Variants in ZPBP observed in about 807,000 individuals in gnomAD.
ZPBP encodes zona pellucida binding protein, also known as zona pellucida-binding protein 1.
A neutral mutation model predicts 44.8 loss-of-function variants in ZPBP; 26 were observed. The ratio of observed to expected loss-of-function variants is 0.58; its 90% CI spans 0.43 to 0.81. The LOEUF (loss-of-function observed/expected upper bound fraction) is 0.81, where lower values mean the gene tolerates loss of function less well. ZPBP is among the 30% of genes least tolerant of loss of function. The pLI is 0.00. For missense variants in ZPBP, 409 were observed against 434.0 expected (o/e 0.94, Z 0.51); for synonymous variants, 174 against 153.2 (o/e 1.14, Z -1.00).
intron 2 of ZPBP, among the ~76,000 whole-genome samples, chr7:49,889,617 CACA>C: frequency 6.6e-6 from 1 of 152,276 alleles, no homozygotes; most frequent in African/African-American, 2.4e-5. Context: ...TCTGGGGACA[CACA>C]ATGGCCATCC....
chr7:50,069,536 AC>A (rs1282579608), intron 3 of ZPBP, among the ~76,000 whole-genome samples: 1 of 152,166 alleles, frequency 6.6e-6, no homozygotes, highest in African/African-American at 2.4e-5. Context: ...AAAACACACG[AC>A]CAATTTCTCT....
intron 7 of ZPBP, chr7:49,943,353 A>G (rs943645889): frequency 3.1e-5 from 10 of 327,332 alleles, no homozygotes; most frequent in Admixed American, 2.8e-4. Flanking sequence ...AAACCTGAAC[A>G]GTCAATGAAG....
At chr7:49,964,773 A>T (rs1262420772) in intron 7 of ZPBP, among the ~76,000 whole-genome samples, 3 of 152,144 alleles carry the variant, frequency 2.0e-5, no homozygotes, top group Non-Finnish European at 4.4e-5. Flanking sequence ...CATTCTTACA[A>T]TGTGACTTAA....
chr7:49,985,624 C>T (rs1013458938), intron 6 of ZPBP, among the ~76,000 whole-genome samples: 4 of 136,342 alleles, frequency 2.9e-5, no homozygotes, highest in Admixed American at 2.4e-4. Context: ...CCTAATTAGG[C>T]TTCCTAATAC....
chr7:49,941,954 C>G (rs1019837027), intron 7 of ZPBP, among the ~76,000 whole-genome samples: 1 of 152,038 alleles, frequency 6.6e-6, no homozygotes, highest in Admixed American at 6.6e-5. Context: ...AGTAATAAAT[C>G]CTTGCATACA....
Position 49,975,831 on chromosome 7 carries a change from C to T in ZPBP, c.961+7511G>A, listed in dbSNP as rs10234868. 8.2e-3 allele frequency among the ~76,000 whole-genome samples: 1,252 copies of T among 152,248 alleles called. 6 individuals carry two copies. Among genetic ancestry groups the T allele is most frequent in the Non-Finnish European group, 0.012 (784 of 68,016 alleles). Reference sequence around the variant, plus strand: ...AGGAGAAGAGGCAGTAGAGATGGGACTCTGAGCCATGCATACTGAATTTAA... The same window carrying T: ...AGGAGAAGAGGCAGTAGAGATGGGATTCTGAGCCATGCATACTGAATTTAA... On this transcript the variant is annotated intron_variant, in intron 7 of 7. Coordinates refer to ENST00000046087, the MANE Select transcript of ZPBP (RefSeq NM_007009.3).
At chr7:49,874,045 A>G (rs539158564) in intron 2 of ZPBP, among the ~76,000 whole-genome samples, 3 of 152,108 alleles carry the variant, frequency 2.0e-5, no homozygotes, top group East Asian at 3.9e-4. Context: ...ACTATAGCAT[A>G]CATGGCATAT....
chr7:50,081,528 T>A (rs1182455465), intron 3 of ZPBP, among the ~76,000 whole-genome samples: 1 of 151,800 alleles, frequency 6.6e-6, no homozygotes. Context: ...AAAAAGTAAC[T>A]TTGGGGGATT....
At chr7:50,092,993 A>C in intron 1 of ZPBP, 75 bp downstream of exon 1, 1 of 1,545,554 alleles carries the variant, frequency 6.5e-7, no homozygotes, top group African/African-American at 1.4e-5. Context: ...CACGTGACAC[A>C]AGAAAAGGCA....
intron 4 of ZPBP, among the ~76,000 whole-genome samples, chr7:50,031,578 G>A (rs946501563): frequency 1.3e-5 from 2 of 151,976 alleles, no homozygotes; most frequent in Non-Finnish European, 2.9e-5. Flanking sequence ...AGGGCGGCAG[G>A]GATTATGTCA....
At position 49,906,910 on chromosome 7, in the gene ZPBP, T is replaced by C. The variant is rs147158847; in HGVS notation, n.412-5695A>G. The stretch of plus-strand genomic sequence containing the variant: ...TCAATTCCAGCAATTTTTATATCTC[T>C]TTCTTGCCTGAAGCAGATGATAAAA... On this transcript the variant is annotated intron_variant and non_coding_transcript_variant, in intron 1 of 2. Transcript: ENST00000465922. 3.3e-3 allele frequency among the ~76,000 whole-genome samples: 507 copies of C among 152,336 alleles called. 1 individual carries two copies. The highest frequency in any genetic ancestry group is 0.011 in the African/African-American group (469 of 41,574).
At chr7:49,880,419 T>G (rs1791612517) in intron 2 of ZPBP, among the ~76,000 whole-genome samples, 1 of 151,276 alleles carries the variant, frequency 6.6e-6, no homozygotes, top group Non-Finnish European at 1.5e-5. Context: ...TTGTAGCATT[T>G]TGTTTTCTTT....
At chr7:49,863,042 CTAA>C (rs1311707321) in intron 2 of ZPBP, among the ~76,000 whole-genome samples, 4 of 152,272 alleles carry the variant, frequency 2.6e-5, no homozygotes, top group Middle Eastern at 3.4e-3. Flanking sequence ...AGGATTTGTG[CTAA>C]TTGTTTGTTA....
intron 1 of ZPBP, among the ~76,000 whole-genome samples, chr7:49,911,444 T>G (rs1248911654): frequency 5.5e-5 from 7 of 127,402 alleles, no homozygotes; most frequent in Non-Finnish European, 1.1e-4. Flanking sequence ...ATCGTGCCAC[T>G]GCACTCCAGC....
chr7:50,035,271 T>C (rs776945268), intron 4 of ZPBP, among the ~76,000 whole-genome samples: 4 of 152,228 alleles, frequency 2.6e-5, no homozygotes, highest in Non-Finnish European at 5.9e-5. Context: ...AGCACACGCA[T>C]AAACTTCTGC....
At chr7:50,022,848 T>C (rs773756341) in intron 5 of ZPBP, among the ~76,000 whole-genome samples, 1 of 152,048 alleles carries the variant, frequency 6.6e-6, no homozygotes, top group Non-Finnish European at 1.5e-5. Context: ...TAAATTATAA[T>C]TGAGGGACTG....
intron 6 of ZPBP, among the ~76,000 whole-genome samples, chr7:49,991,802 T>A (rs1797585846): frequency 6.6e-6 from 1 of 152,008 alleles, no homozygotes. Context: ...TTTTTAGCCT[T>A]GTGGTGTCCT....
chr7:49,972,629 T>G (rs1796345392), intron 7 of ZPBP, among the ~76,000 whole-genome samples: 1 of 152,044 alleles, frequency 6.6e-6, no homozygotes, highest in African/African-American at 2.4e-5. Context: ...TTGGTAGACT[T>G]AATATTATTA....
downstream of ZPBP, among the ~76,000 whole-genome samples, chr7:49,933,600 A>C (rs898549076): frequency 2.0e-5 from 3 of 152,290 alleles, no homozygotes; most frequent in Admixed American, 1.3e-4. Flanking sequence ...GACACATGCA[A>C]ACGTATGTTT....
Sources: allele counts gnomAD v4.1 joint callset (sites outside exome capture counted in the v4.1 genomes callset), GRCh38; gene constraint gnomAD v4.1.1; transcripts MANE v1.5; gene names NCBI Gene and HGNC (gene_info 2026-07-23, HGNC 2026-07-21).